LY75: variants seen among roughly 807,000 people sequenced by gnomAD.
The protein encoded by LY75 is lymphocyte antigen 75.
A neutral mutation model predicts 231.7 loss-of-function variants in LY75; 185 were observed. That is an observed-to-expected ratio of 0.80 (90% CI 0.71 to 0.90). The LOEUF is 0.90. Among genes scored for constraint, LY75 ranks in the 40% least tolerant of loss-of-function variants. The probability of loss-of-function intolerance (pLI) is 0.00; values close to 1 mark genes in which losing one functional copy is unlikely to be tolerated. For synonymous variants in LY75, 668 were observed against 689.0 expected (o/e 0.97, Z 0.48); for missense variants, 1,947 against 2,050.2 (o/e 0.95, Z 0.97).
At chr2:159,895,521 G>A (rs1394215088) in intron 2 of LY75, among the ~76,000 whole-genome samples, 1 of 152,098 alleles carries the variant, frequency 6.6e-6, no homozygotes, top group African/African-American at 2.4e-5. Flanking sequence ...AAGTGCCTTG[G>A]TATACATTTC....
intron 28 of LY75, among the ~76,000 whole-genome samples, chr2:159,827,247 T>G (rs1254241244): frequency 6.6e-6 from 1 of 151,978 alleles, no homozygotes; most frequent in Admixed American, 6.6e-5. Context: ...TACAAGAAAC[T>G]TCAACAAATT....
chr2:159,900,155 C>A (rs1293329570), intron 1 of LY75, among the ~76,000 whole-genome samples: 1 of 152,172 alleles, frequency 6.6e-6, no homozygotes, highest in East Asian at 1.9e-4. Context: ...GAATGTTCCC[C>A]TGGCACTTTG....
chr2:159,835,334 T>G, intron 26 of LY75, 146 bp downstream of exon 26: 1 of 811,524 alleles, frequency 1.2e-6, no homozygotes, highest in Non-Finnish European at 1.8e-6. Flanking sequence ...GAATACAAAT[T>G]TTCACAACAA....
chr2:159,853,177 A>G (rs2125855854), intron 20 of LY75, 96 bp downstream of exon 20: 1 of 1,281,982 alleles, frequency 7.8e-7, no homozygotes, highest in Non-Finnish European at 1.1e-6. Flanking sequence ...AAATTACCAA[A>G]CATATAATTA....
At chr2:159,853,528 G>T in intron 19 of LY75, 102 bp downstream of exon 19, 1 of 1,558,326 alleles carries the variant, frequency 6.4e-7, no homozygotes, top group South Asian at 1.2e-5. Context: ...GCAGTTTATG[G>T]ATTAATATTC....
intron 21 of LY75, among the ~76,000 whole-genome samples, chr2:159,851,346 CA>C (rs973997531): frequency 4.6e-5 from 7 of 152,086 alleles, no homozygotes; most frequent in Admixed American, 6.6e-5. Context: ...AAATATCTTA[CA>C]AAAAAAATTT....
chr2:159,805,803 G>A (rs189805935), intron 34 of LY75, among the ~76,000 whole-genome samples: 49 of 152,204 alleles, frequency 3.2e-4, no homozygotes, highest in African/African-American at 9.4e-4. Context: ...AATGGCCAAC[G>A]TAGAACTTTT....
intron 30 of LY75, 97 bp from the exon 31 acceptor site, chr2:159,815,670 A>C (rs557613603): frequency 7.1e-7 from 1 of 1,403,180 alleles, no homozygotes; most frequent in East Asian, 2.5e-5. Flanking sequence ...ATTATAATGG[A>C]ATATTAATTA....
At chr2:159,833,169 C>T (rs115997238) in intron 27 of LY75, among the ~76,000 whole-genome samples, 2,030 of 148,262 alleles carry the variant, frequency 0.014, 39 homozygotes, top group African/African-American at 0.049. Context: ...ACCTGTTATC[C>T]AGGCTGGAGT....
In LY75 at chr2:159,834,041, TACTC is replaced by T; in HGVS notation, c.3840_3841+2del. 6.2e-7 allele frequency: 1 copy of T among 1,613,058 alleles called. No individual in the cohort carries two copies. The highest frequency in any genetic ancestry group is 8.5e-7 in the Non-Finnish European group (1 of 1,179,650). On this transcript the variant is annotated splice_donor_variant and coding_sequence_variant, in exon 27 of 35. Coordinates refer to ENST00000263636, the MANE Select transcript of LY75 (RefSeq NM_002349.4). LOFTEE classifies it high-confidence loss of function. ...CATGAGAATGGACTAATATAATACTTACTCAGTTTCTGGCATTTAGTATGAACTT... is the reference window on the plus strand; with the variant it reads ...CATGAGAATGGACTAATATAATACTTAGTTTCTGGCATTTAGTATGAACTT...
chr2:159,827,388 G>A lies in LY75; in HGVS notation c.3958+4282C>T, dbSNP rs553281139. ...CATCATCACTCGTCATTAGAGAAAT[G>A]CAAATCAAAACCACAATGAGATACC... On this transcript the variant is annotated intron_variant, in intron 28 of 34. Transcript: ENST00000263636. 5.9e-5 allele frequency among the ~76,000 whole-genome samples: 9 copies of A among 152,288 alleles called. No individual in the cohort carries two copies. In the East Asian group the frequency reaches 1.5e-3, roughly 26 times the overall value.
At chr2:159,901,091 G>A (rs987115476) in intron 1 of LY75, among the ~76,000 whole-genome samples, 4 of 151,998 alleles carry the variant, frequency 2.6e-5, no homozygotes, top group Non-Finnish European at 5.9e-5. Context: ...CACCCACTTC[G>A]GCCTCCCAAA....
chr2:159,848,091 T>TACACACACACACACACACACAC (rs1427865594), intron 23 of LY75, among the ~76,000 whole-genome samples: 5 of 8,294 alleles, frequency 6.0e-4, no homozygotes, highest in African/African-American at 1.1e-3. Context: ...TATATATATA[T>TACACACACACACACACACACAC]ATACACACAC....
intron 23 of LY75, among the ~76,000 whole-genome samples, chr2:159,842,914 C>A (rs545777206): frequency 1.3e-5 from 2 of 151,420 alleles, no homozygotes; most frequent in South Asian, 4.2e-4. Flanking sequence ...ACATATCACA[C>A]TTAGAAAAAT....
At chr2:159,853,843 C>T in intron 18 of LY75, 146 bp from the exon 19 acceptor site, 1 of 1,067,980 alleles carries the variant, frequency 9.4e-7, no homozygotes, top group Non-Finnish European at 1.3e-6. Context: ...AAACTAGAAC[C>T]TTTTGCCAAA....
chr2:159,881,362 C>A, intron 7 of LY75, 122 bp from the exon 8 acceptor site: 1 of 1,180,148 alleles, frequency 8.5e-7, no homozygotes, highest in Non-Finnish European at 1.1e-6. Context: ...ATTCTTAATT[C>A]GGTTATTAAT....
chr2:159,883,160 T>C (rs13033243), intron 6 of LY75, among the ~76,000 whole-genome samples: 2 of 148,346 alleles, frequency 1.3e-5, no homozygotes, highest in East Asian at 2.0e-4. Flanking sequence ...AGGGATAGCA[T>C]TGGGAGATAT....
At chr2:159,880,971 G>T in intron 8 of LY75, 112 bp downstream of exon 8, 1 of 1,328,078 alleles carries the variant, frequency 7.5e-7, no homozygotes, top group Non-Finnish European at 1.0e-6. Flanking sequence ...GATCCAGAGT[G>T]CTCTTACCTT....
intron 18 of LY75, among the ~76,000 whole-genome samples, chr2:159,853,941 G>A (rs941717709): frequency 1.3e-5 from 2 of 152,090 alleles, no homozygotes; most frequent in African/African-American, 2.4e-5. Flanking sequence ...ATATTAATTA[G>A]ACTAATACTT....
Sources: allele counts gnomAD v4.1 joint callset (sites outside exome capture counted in the v4.1 genomes callset), GRCh38; gene constraint gnomAD v4.1.1; transcripts MANE v1.5; gene names NCBI Gene and HGNC (gene_info 2026-07-23, HGNC 2026-07-21).